The following SHROOM4 variants were observed in gnomAD, a reference collection of about 807,000 sequenced individuals.
The protein encoded by SHROOM4 is protein Shroom4.
A neutral mutation model predicts 80.3 loss-of-function variants in SHROOM4; 17 were observed. That is an observed-to-expected ratio of 0.21 (90% CI 0.14 to 0.32). The LOEUF (loss-of-function observed/expected upper bound fraction) is 0.32, where lower values mean the gene tolerates loss of function less well. Ranked by LOEUF, SHROOM4 falls within the 10% of genes least tolerant of loss-of-function variation. SHROOM4 has a pLI of 1.00. For synonymous variants in SHROOM4, 400 were observed against 437.5 expected (o/e 0.91, Z 1.07); for missense variants, 993 against 1,140.3 (o/e 0.87, Z 1.86).
chrX:50,594,240 G>A lies in SHROOM4; in HGVS notation c.*2455C>T, dbSNP rs112959631. The A allele has an allele frequency of 0.031, 3,429 of 111,996 alleles. 55 individuals carry two copies. The highest frequency in any genetic ancestry group is 0.048 in the Non-Finnish European group (2,526 of 53,150). 9.2% of individuals were successfully genotyped at this position (111,996 alleles called of 1,213,427 possible). A position where few individuals can be genotyped will look rare whatever the true frequency, so the allele number is the denominator to read the frequency against. On this transcript the variant is annotated 3_prime_UTR_variant, in exon 9 of 9. Coordinates refer to ENST00000376020, the MANE Select transcript of SHROOM4 (RefSeq NM_020717.5). ...GTAATACTGGCAGTGTTGCAGCACC[G>A]TCACACACAATGAGACTGCCCTGGC...
chrX:50,767,469 C>T (rs1355532578), intron 1 of SHROOM4, among the ~76,000 whole-genome samples: 1 of 110,648 alleles, frequency 9.0e-6, no homozygotes, highest in Non-Finnish European at 1.9e-5. Context: ...ATCCTGCCGC[C>T]CCAAATTCTA....
Position 50,589,124 on chromosome X carries a change from T to C in SHROOM4, c.*7571A>G, listed in dbSNP as rs906923501. ...TCCTTATGTTGCTGGGTCTTCCAGG[T>C]CTTCAAGGGGAAGGTTGTAATAGTA... On this transcript the variant is annotated 3_prime_UTR_variant, in exon 9 of 9. Coordinates refer to ENST00000376020, the MANE Select transcript of SHROOM4 (RefSeq NM_020717.5). Among the ~76,000 whole-genome samples, 1 of 111,549 alleles carries C rather than the reference T, an allele frequency of 9.0e-6. No individual in the cohort carries two copies. Among genetic ancestry groups the C allele is most frequent in the Non-Finnish European group, 1.9e-5 (1 of 53,127 alleles).
chrX:50,597,058 C>T (rs782345537), intron 8 of SHROOM4, 94 bp from the exon 9 acceptor site: 67 of 1,025,772 alleles, frequency 6.5e-5, no homozygotes, highest in Non-Finnish European at 8.8e-5. Context: ...GATGCTGCCA[C>T]AAAGCAGCTA....
Position 50,591,542 on chromosome X carries a change from T to C in SHROOM4, c.*5153A>G. 1 of 227,240 alleles carries C rather than the reference T, an allele frequency of 4.4e-6. No homozygotes were observed. Among genetic ancestry groups the C allele is most frequent in the Non-Finnish European group, 8.0e-6 (1 of 124,643 alleles). 18.7% of individuals were successfully genotyped at this position (227,240 alleles called of 1,213,427 possible). On this transcript the variant is annotated 3_prime_UTR_variant, in exon 9 of 9. Transcript: ENST00000376020. ...TCCATGAACATGGAGTGTCTTTCCA[T>C]TTATTTTGATCTTCTCTAATCTCTT...
chrX:50,792,084 T>C (rs140257404), intron 1 of SHROOM4, among the ~76,000 whole-genome samples: 3,229 of 111,954 alleles, frequency 0.029, 52 homozygotes, highest in Middle Eastern at 0.055. Flanking sequence ...GCTCTTGACA[T>C]TAGTCTTGGC....
At chrX:50,611,621 T>C (rs1028431003) in intron 5 of SHROOM4, among the ~76,000 whole-genome samples, 3 of 111,080 alleles carry the variant, frequency 2.7e-5, no homozygotes, top group South Asian at 3.8e-4. Context: ...AAAGCAGTAG[T>C]TAAAGAAAAA....
chrX:50,652,153 G>A (rs954519122), intron 2 of SHROOM4, among the ~76,000 whole-genome samples: 12 of 111,615 alleles, frequency 1.1e-4, no homozygotes, highest in African/African-American at 2.6e-4. Context: ...TTGAGGAATC[G>A]CCACACTATC....
chrX:50,717,899 T>C (rs1934006247), intron 1 of SHROOM4, among the ~76,000 whole-genome samples: 2 of 111,352 alleles, frequency 1.8e-5, no homozygotes, highest in African/African-American at 6.5e-5. Flanking sequence ...AGTAATAGAA[T>C]GGAAATAATA....
chrX:50,657,367 A>C (rs1399393749), intron 2 of SHROOM4, among the ~76,000 whole-genome samples: 1 of 111,500 alleles, frequency 9.0e-6, no homozygotes, highest in Non-Finnish European at 1.9e-5. Context: ...TCCACCATGG[A>C]ATATAATGTT....
intron 1 of SHROOM4, among the ~76,000 whole-genome samples, chrX:50,810,244 T>A (rs1936303982): frequency 1.8e-5 from 2 of 111,260 alleles, no homozygotes; most frequent in Non-Finnish European, 3.8e-5. Context: ...TTCAGGGAAA[T>A]CATAGGAACC....
In SHROOM4 at chrX:50,634,411, T is replaced by G; in HGVS notation, c.1662A>C (p.Glu554Asp). 2 of 1,211,497 alleles carry G rather than the reference T, an allele frequency of 1.7e-6. No homozygotes were observed. The highest frequency in any genetic ancestry group is 1.7e-5 in the African/African-American group (1 of 57,842). ...TKAASGTEAG[E>D]EGDSEPKECS... ...ACTCCTTGGGCTCGCTGTCCCCTTC[T>G]TCACCTGCCTCTGTGCCACTAGCTG... Residue 554 changes from glutamate (E) to aspartate (D), a missense_variant, in exon 4 of 9, where the codon GAA becomes GAC. Glu to Asp is a conservative substitution (Grantham distance 45). Coordinates refer to ENST00000376020, the MANE Select transcript of SHROOM4 (RefSeq NM_020717.5).
At chrX:50,810,052 C>T (rs1393610920) in intron 1 of SHROOM4, among the ~76,000 whole-genome samples, 3 of 111,301 alleles carry the variant, frequency 2.7e-5, no homozygotes, top group Admixed American at 9.5e-5. Flanking sequence ...TCATGGTACA[C>T]TGCAGCCTGG....
rs1314888185 is a variant in SHROOM4 at position 50,591,214 on chromosome X, T to C, written c.*5481A>G. ...TGTTGAAATTAACTAACCATATACATGAGGATTTATTTCTGGACTCTCAAT... is the reference window on the plus strand; with the variant it reads ...TGTTGAAATTAACTAACCATATACACGAGGATTTATTTCTGGACTCTCAAT... On this transcript the variant is annotated 3_prime_UTR_variant, in exon 9 of 9. Coordinates refer to ENST00000376020, the MANE Select transcript of SHROOM4 (RefSeq NM_020717.5). Among the ~76,000 whole-genome samples, 1 of 112,191 alleles carries C rather than the reference T, an allele frequency of 8.9e-6. No homozygotes were observed. The highest frequency in any genetic ancestry group is 3.2e-5 in the African/African-American group (1 of 30,912).
chrX:50,696,536 G>A (rs1033364928), intron 1 of SHROOM4, among the ~76,000 whole-genome samples: 3 of 112,212 alleles, frequency 2.7e-5, no homozygotes, highest in East Asian at 2.8e-4. Flanking sequence ...ATTAACATGA[G>A]CTCTGATTAT....
chrX:50,661,194 G>A (rs1220913764), intron 2 of SHROOM4, among the ~76,000 whole-genome samples: 1 of 110,788 alleles, frequency 9.0e-6, no homozygotes, highest in Non-Finnish European at 1.9e-5. Context: ...TGGCTTCCAG[G>A]TTTTTTTGTT....
intron 2 of SHROOM4, among the ~76,000 whole-genome samples, chrX:50,662,153 G>GAC (rs1471899409): frequency 3.6e-5 from 4 of 111,084 alleles, no homozygotes; most frequent in Non-Finnish European, 5.6e-5. Context: ...CTGTGGATAA[G>GAC]ACAAATTAAG....
At chrX:50,631,269 A>G (rs1931053618) in intron 4 of SHROOM4, among the ~76,000 whole-genome samples, 1 of 111,683 alleles carries the variant, frequency 9.0e-6, no homozygotes, top group South Asian at 3.8e-4. Flanking sequence ...TCACCACATC[A>G]GTAGACTAAA....
rs192390715 is a variant in SHROOM4, at chrX:50,726,715, C to A, written c.118-30778G>T. 8.8e-5 allele frequency among the ~76,000 whole-genome samples: 10 copies of A among 113,255 alleles called. No homozygotes were observed. The East Asian group carries it at 2.8e-3, about 32-fold the overall frequency. On this transcript the variant is annotated intron_variant, in intron 1 of 8. Coordinates refer to ENST00000376020, the MANE Select transcript of SHROOM4 (RefSeq NM_020717.5). ...GATAAGAGCTGAGGTTTAGGAACCT[C>A]TGCCTAGATTTCAGAGGAGGTATGG...
chrX:50,618,417 T>G (rs904003483), intron 5 of SHROOM4, among the ~76,000 whole-genome samples: 1 of 91,814 alleles, frequency 1.1e-5, no homozygotes, highest in Non-Finnish European at 2.1e-5. Context: ...CCTTCCTTCC[T>G]TCCTTTCTTA....
Sources: gnomAD v4.1 joint callset for allele counts (sites outside exome capture counted in the v4.1 genomes callset) on GRCh38, gnomAD v4.1.1 for gene constraint, MANE v1.5 for transcripts, NCBI Gene and HGNC (gene_info 2026-07-23, HGNC 2026-07-21) for gene names.